The following MTCL3 variants were observed in gnomAD, a reference collection of about 807,000 sequenced individuals.
MTCL3 encodes the protein microtubule cross-linking factor 3.
the MTCL3 span, chr6:127,516,279 C>T: frequency 6.6e-7 from 1 of 1,513,638 alleles, no homozygotes; most frequent in Non-Finnish European, 8.8e-7. Flanking sequence ...CCGGAGCGGC[C>T]CCTTTGGGCG....
At chr6:127,484,053 T>C in the MTCL3 span, among the ~76,000 whole-genome samples, 2 of 152,198 alleles carry the variant, frequency 1.3e-5, no homozygotes, top group South Asian at 4.2e-4. Flanking sequence ...AAAAAATACT[T>C]GCTGAACTAA....
At chr6:127,477,163 A>G in the MTCL3 span, among the ~76,000 whole-genome samples, 1 of 152,244 alleles carries the variant, frequency 6.6e-6, no homozygotes, top group East Asian at 1.9e-4. Flanking sequence ...TGACATTGGA[A>G]TGGTCCATCC....
chr6:127,516,212 A>G, the MTCL3 span: 51,307 of 1,432,312 alleles, frequency 0.036, 1,127 homozygotes, highest in Non-Finnish European at 0.042. Flanking sequence ...CTGCCGCCCA[A>G]AGCGGCCAGG....
the MTCL3 span, among the ~76,000 whole-genome samples, chr6:127,490,363 G>A: frequency 6.6e-6 from 1 of 152,046 alleles, no homozygotes; most frequent in Non-Finnish European, 1.5e-5. Flanking sequence ...AATCCATTCT[G>A]CAGCCCATAG....
chr6:127,489,466 C>T, the MTCL3 span, among the ~76,000 whole-genome samples: 1 of 152,182 alleles, frequency 6.6e-6, no homozygotes, highest in African/African-American at 2.4e-5. Context: ...TGTCCAAAGC[C>T]AAGATAAACC....
the MTCL3 span, among the ~76,000 whole-genome samples, chr6:127,516,957 C>T: frequency 6.6e-6 from 1 of 151,994 alleles, no homozygotes; most frequent in Admixed American, 6.5e-5. Flanking sequence ...TGGTAGCAGG[C>T]TTTGGAAAGG....
the MTCL3 span, chr6:127,473,260 G>A: frequency 6.7e-7 from 1 of 1,499,972 alleles, no homozygotes; most frequent in Non-Finnish European, 8.8e-7. Context: ...ATACTACAAT[G>A]AATGGTAAAT....
the MTCL3 span, chr6:127,515,994 G>A: frequency 1.9e-6 from 3 of 1,598,728 alleles, no homozygotes; most frequent in East Asian, 4.5e-5. The surrounding 1 kb of genome is among the most constrained non-coding windows in gnomAD (Gnocchi z 4.3). Flanking sequence ...CGCCGCTGCC[G>A]CCCCTCTGCT....
At chr6:127,507,986 C>T in the MTCL3 span, among the ~76,000 whole-genome samples, 2 of 151,454 alleles carry the variant, frequency 1.3e-5, no homozygotes, top group Non-Finnish European at 2.9e-5. Flanking sequence ...CCATGTTATT[C>T]GACAAACTAT....
chr6:127,477,405 C>A, the MTCL3 span, among the ~76,000 whole-genome samples: 1 of 152,200 alleles, frequency 6.6e-6, no homozygotes, highest in Admixed American at 6.5e-5. Context: ...TGTCTAAGGT[C>A]ATTTCTCCCA....
the MTCL3 span, chr6:127,475,366 G>T: frequency 6.2e-7 from 1 of 1,613,458 alleles, no homozygotes; most frequent in South Asian, 1.1e-5. The surrounding 1 kb of genome is among the most constrained non-coding windows in gnomAD (Gnocchi z 7.3). Context: ...GTCGATGAAG[G>T]TCTGCAGCTC....
the MTCL3 span, among the ~76,000 whole-genome samples, chr6:127,485,350 T>C: frequency 6.6e-6 from 1 of 152,126 alleles, no homozygotes; most frequent in African/African-American, 2.4e-5. Context: ...ATATGGGTGT[T>C]ACAGAGTGAG....
At chr6:127,474,869 C>T in the MTCL3 span, among the ~76,000 whole-genome samples, 1 of 152,132 alleles carries the variant, frequency 6.6e-6, no homozygotes, top group East Asian at 1.9e-4. Context: ...ATCCTAAACT[C>T]AATATGGATC....
chr6:127,498,722 T>C, the MTCL3 span, among the ~76,000 whole-genome samples: 1 of 152,142 alleles, frequency 6.6e-6, no homozygotes, highest in Admixed American at 6.5e-5. Context: ...ATACATACAA[T>C]TGAATATTAT....
the MTCL3 span, among the ~76,000 whole-genome samples, chr6:127,501,607 A>C: frequency 5.9e-5 from 9 of 152,232 alleles, no homozygotes; most frequent in Non-Finnish European, 4.4e-5. Context: ...TTGGCTACAC[A>C]AATTTAAATA....
At chr6:127,493,975 G>GCATAC in the MTCL3 span, among the ~76,000 whole-genome samples, 1 of 152,156 alleles carries the variant, frequency 6.6e-6, no homozygotes, top group Non-Finnish European at 1.5e-5. Context: ...AATTTGTAGA[G>GCATAC]CATACCCTTG....
chr6:127,475,596 G>A, the MTCL3 span: 1 of 1,603,910 alleles, frequency 6.2e-7, no homozygotes. This position sits in a 1 kb window ranked among gnomAD's most constrained non-coding sequence, Gnocchi z 7.3. Context: ...GCTGCCGATC[G>A]GAGAAGCTCT....
the MTCL3 span, chr6:127,476,599 C>G: frequency 8.7e-6 from 6 of 688,562 alleles, no homozygotes; most frequent in Non-Finnish European, 1.4e-5. This position sits in a 1 kb window ranked among gnomAD's most constrained non-coding sequence, Gnocchi z 4.4. Context: ...GAAACAGAAG[C>G]AGATACTGTG....
chr6:127,479,881 A>G, the MTCL3 span, among the ~76,000 whole-genome samples: 2 of 152,212 alleles, frequency 1.3e-5, no homozygotes, highest in African/African-American at 2.4e-5. Flanking sequence ...TGCATTGGAA[A>G]CTTGGCATAG....
Sources: gnomAD v4.1 joint callset for allele counts (sites outside exome capture counted in the v4.1 genomes callset) on GRCh38, gnomAD v4.1.1 for gene constraint, Gnocchi (gnomAD v3.1) non-coding constraint, MANE v1.5 for transcripts, NCBI Gene and HGNC (gene_info 2026-07-23, HGNC 2026-07-21) for gene names.